Variants in VPS8 observed in about 807,000 individuals in gnomAD.
VPS8 encodes the protein VPS8 subunit of CORVET complex.
Under a neutral mutation model 216.4 loss-of-function variants are expected in VPS8, and 129 were observed. The ratio of observed to expected loss-of-function variants is 0.60; its 90% confidence interval spans 0.52 to 0.69. The LOEUF is 0.69. VPS8 is among the 30% of genes least tolerant of loss of function. The pLI, the probability that VPS8 is intolerant of heterozygous loss-of-function variation, is 0.00. For missense variants in VPS8, 1,531 were observed against 1,683.5 expected (o/e 0.91, Z 1.59); for synonymous variants, 571 against 565.4 (o/e 1.01, Z -0.14).
At chr3:184,878,476 C>G (rs1327811855) in intron 21 of VPS8, among the ~76,000 whole-genome samples, 1 of 152,156 alleles carries the variant, frequency 6.6e-6, no homozygotes, top group Non-Finnish European at 1.5e-5. Flanking sequence ...TTTCACATTT[C>G]TATGAGGGTC....
chr3:184,832,026 T>C (rs1720099298), intron 3 of VPS8, among the ~76,000 whole-genome samples: 1 of 152,228 alleles, frequency 6.6e-6, no homozygotes, highest in Non-Finnish European at 1.5e-5. Context: ...TCAGGCATTA[T>C]ACTAGGCACT....
intron 45 of VPS8, among the ~76,000 whole-genome samples, chr3:185,018,142 T>A (rs1466937652): frequency 6.6e-6 from 1 of 152,218 alleles, no homozygotes; most frequent in Admixed American, 6.5e-5. Flanking sequence ...GTCACAGGCC[T>A]TGATAGAATC....
chr3:185,033,681 T>A (rs180961047), intron 46 of VPS8, among the ~76,000 whole-genome samples: 56 of 152,358 alleles, frequency 3.7e-4, no homozygotes, highest in Non-Finnish European at 5.7e-4. Context: ...TATCTTTACA[T>A]TTTTTAAATT....
intron 21 of VPS8, among the ~76,000 whole-genome samples, chr3:184,881,545 A>G (rs1174857069): frequency 6.6e-6 from 1 of 152,096 alleles, no homozygotes; most frequent in African/African-American, 2.4e-5. Context: ...CATAATCTTG[A>G]TAACTGTAGC....
At chr3:184,966,607 A>G (rs1277516863) in intron 38 of VPS8, 64 bp from the exon 39 acceptor site, 4 of 1,133,338 alleles carry the variant, frequency 3.5e-6, no homozygotes, top group Non-Finnish European at 5.0e-6. Flanking sequence ...TGTTAATTCA[A>G]GTATTGGGTG....
At chr3:184,842,621 A>G (rs1008440906) in intron 7 of VPS8, among the ~76,000 whole-genome samples, 3 of 152,198 alleles carry the variant, frequency 2.0e-5, no homozygotes, top group East Asian at 3.8e-4. Flanking sequence ...TAATAATACT[A>G]TAAAGTGTCT....
intron 2 of VPS8, among the ~76,000 whole-genome samples, chr3:184,825,507 T>G (rs955746264): frequency 6.6e-6 from 1 of 152,218 alleles, no homozygotes; most frequent in Non-Finnish European, 1.5e-5. Context: ...CTTTTGCTTA[T>G]TGCTTATGAC....
At chr3:184,908,202 G>A (rs974263317) in intron 25 of VPS8, among the ~76,000 whole-genome samples, 2 of 152,184 alleles carry the variant, frequency 1.3e-5, no homozygotes, top group African/African-American at 4.8e-5. Context: ...CCTGAAAATG[G>A]AGCTTTTAAG....
chr3:184,981,590 C>T (rs185972351), intron 40 of VPS8, among the ~76,000 whole-genome samples: 133 of 152,020 alleles, frequency 8.7e-4, no homozygotes, highest in South Asian at 2.5e-3. Context: ...CCTGCCACCA[C>T]GCCTGGCTAA....
At chr3:184,985,924 G>A (rs1034087110) in intron 42 of VPS8, among the ~76,000 whole-genome samples, 2 of 152,182 alleles carry the variant, frequency 1.3e-5, no homozygotes, top group African/African-American at 2.4e-5. Context: ...ACATAGAGAC[G>A]AGGAGAGGAG....
intron 42 of VPS8, among the ~76,000 whole-genome samples, chr3:184,992,908 CTGTCTA>C (rs1365804903): frequency 2.8e-4 from 42 of 152,142 alleles, no homozygotes; most frequent in Admixed American, 2.8e-3. Flanking sequence ...CTATAGTTTT[CTGTCTA>C]GAAATCTCTA....
chr3:184,921,394 C>G (rs980530120), intron 29 of VPS8, among the ~76,000 whole-genome samples: 1 of 152,108 alleles, frequency 6.6e-6, no homozygotes, highest in African/African-American at 2.4e-5. Context: ...TTCTAGCCAG[C>G]CTGAATGTAG....
At chr3:184,952,635 AAGG>A (rs1481665714) in intron 36 of VPS8, among the ~76,000 whole-genome samples, 1 of 152,178 alleles carries the variant, frequency 6.6e-6, no homozygotes, top group Non-Finnish European at 1.5e-5. Flanking sequence ...ATATTTATGA[AAGG>A]AGAAATAAGC....
At chr3:184,813,414 G>A (rs191943726) in intron 1 of VPS8, among the ~76,000 whole-genome samples, 29 of 152,296 alleles carry the variant, frequency 1.9e-4, no homozygotes, top group Admixed American at 5.9e-4. Context: ...GTCTATGTCT[G>A]CCTGTGTGGG....
intron 14 of VPS8, among the ~76,000 whole-genome samples, chr3:184,858,578 A>C (rs1725713119): frequency 6.6e-6 from 1 of 152,188 alleles, no homozygotes; most frequent in African/African-American, 2.4e-5. Context: ...TGGTGGATCG[A>C]ATTGCTCTCA....
chr3:184,915,104 C>T (rs545932867), intron 27 of VPS8, 51 bp downstream of exon 27: 33 of 1,588,498 alleles, frequency 2.1e-5, no homozygotes, highest in Middle Eastern at 1.7e-4. Flanking sequence ...CTGGTTAAGA[C>T]GCACTGAAGA....
At chr3:184,962,297 G>A (rs1746667513) in intron 37 of VPS8, among the ~76,000 whole-genome samples, 1 of 152,198 alleles carries the variant, frequency 6.6e-6, no homozygotes, top group Non-Finnish European at 1.5e-5. Context: ...AAATGGAATT[G>A]TTTAGACAAC....
intron 39 of VPS8, among the ~76,000 whole-genome samples, chr3:184,970,364 A>T (rs1188821844): frequency 6.6e-6 from 1 of 152,244 alleles, no homozygotes; most frequent in African/African-American, 2.4e-5. Context: ...AAGGAGACAG[A>T]TAAGTAAATA....
At chr3:184,885,197 G>A (rs116082110) in intron 21 of VPS8, among the ~76,000 whole-genome samples, 1 of 152,264 alleles carries the variant, frequency 6.6e-6, no homozygotes, top group South Asian at 2.1e-4. Context: ...TATCAGACAG[G>A]TGTTAGTATG....
Sources: gnomAD v4.1 joint callset for allele counts (sites outside exome capture counted in the v4.1 genomes callset) on GRCh38, gnomAD v4.1.1 for gene constraint, MANE v1.5 for transcripts, NCBI Gene and HGNC (gene_info 2026-07-23, HGNC 2026-07-21) for gene names.